BBS9: variants seen among roughly 807,000 people sequenced by gnomAD.
The protein encoded by BBS9 is protein PTHB1.
A neutral mutation model predicts 117.7 loss-of-function variants in BBS9; 89 were observed. The observed-to-expected ratio is 0.76, with a 90% CI of 0.64 to 0.90. The LOEUF is 0.90. Ranked by LOEUF, BBS9 falls within the 40% of genes least tolerant of loss-of-function variation. BBS9 has a pLI of 0.00. For missense variants in BBS9, 982 were observed against 1,042.2 expected (o/e 0.94, Z 0.80); for synonymous variants, 379 against 370.9 (o/e 1.02, Z -0.25).
chr7:33,349,139 G>T lies in BBS9; in HGVS notation c.1401G>T (p.Leu467Phe). ...TCTACGTGCAACCACCATTAGAATT[G>T]ACTTGTGATCAGTTCACCTTTGAAT... is the stretch of plus-strand genomic sequence containing the variant. ...LSVYVQPPLELTCDQFTFEFM... is the reference protein window; with the variant it reads ...LSVYVQPPLEFTCDQFTFEFM... The change falls in exon 13 of 23, where the codon TTG becomes TTT. Residue 467 changes from leucine (L) to phenylalanine (F), a missense_variant. Leu to Phe is a conservative substitution (Grantham distance 22, BLOSUM62 0). Coordinates refer to ENST00000242067, the MANE Select transcript of BBS9 (RefSeq NM_198428.3). 1.2e-6 allele frequency: 2 copies of T among 1,613,156 alleles called. No homozygotes were observed. Among genetic ancestry groups the T allele is most frequent in the South Asian group, 2.2e-5 (2 of 91,028 alleles).
In BBS9 at chr7:33,198,215, G is replaced by A. The variant is rs544303668; in HGVS notation, c.442+20624G>A. On this transcript the variant is annotated intron_variant, in intron 5 of 22. Coordinates refer to ENST00000242067, the MANE Select transcript of BBS9 (RefSeq NM_198428.3). ...TTAATATGGAAACAATAACTGAGAT[G>A]TAATCCTAAATTTAATTTGGAAAGT... Among the ~76,000 whole-genome samples the A allele has an allele frequency of 2.4e-4, 37 of 152,102 alleles. 1 individual carries two copies. Among genetic ancestry groups the A allele is most frequent in the African/African-American group, 8.4e-4 (35 of 41,552 alleles).
chr7:33,527,251 C>A (rs567961066), intron 20 of BBS9, among the ~76,000 whole-genome samples: 2 of 152,208 alleles, frequency 1.3e-5, no homozygotes, highest in African/African-American at 4.8e-5. Flanking sequence ...GCAGGCAGGC[C>A]TCCTTGAGTT....
chr7:33,431,712 T>C (rs1437967181), intron 19 of BBS9, among the ~76,000 whole-genome samples: 1 of 152,244 alleles, frequency 6.6e-6, no homozygotes, highest in Non-Finnish European at 1.5e-5. Context: ...CTGTTGTTTA[T>C]AAGTCACAGA....
intron 9 of BBS9, among the ~76,000 whole-genome samples, chr7:33,282,623 C>T (rs182501939): frequency 1.6e-4 from 25 of 152,070 alleles, no homozygotes; most frequent in Middle Eastern, 3.4e-3. Flanking sequence ...TCACCCGCCT[C>T]GCCTCCCAAA....
rs1460288162 is a variant in BBS9, at chr7:33,264,287, C to T, written c.618-3C>T. ...TATAATTTTTTAAATTTCTTTCATA[C>T]AGGTACCAGGTACTTGCTTTTGCAA... On this transcript the variant is annotated splice_polypyrimidine_tract_variant and splice_region_variant and intron_variant, in intron 6 of 22. Coordinates refer to ENST00000242067, the MANE Select transcript of BBS9 (RefSeq NM_198428.3). The T allele has an allele frequency of 3.4e-6, 5 of 1,479,296 alleles. No individual in the cohort carries two copies. Among genetic ancestry groups the T allele is most frequent in the Non-Finnish European group, 4.5e-6 (5 of 1,107,062 alleles). The allele number at this position is 1,479,296 out of a possible 1,614,324, so 91.6% of individuals were successfully genotyped here.
chr7:33,267,376 T>G (rs975257202), intron 7 of BBS9, among the ~76,000 whole-genome samples: 1 of 152,156 alleles, frequency 6.6e-6, no homozygotes, highest in African/African-American at 2.4e-5. Flanking sequence ...TGATATATAC[T>G]CTGCCATTTA....
intron 19 of BBS9, among the ~76,000 whole-genome samples, chr7:33,465,849 T>C (rs929431862): frequency 2.0e-5 from 3 of 152,176 alleles, no homozygotes; most frequent in African/African-American, 7.2e-5. Context: ...GACAGTTAAC[T>C]GGACTATTAA....
chr7:33,607,655 A>G (rs1368003587), downstream of BBS9, among the ~76,000 whole-genome samples: 1 of 151,982 alleles, frequency 6.6e-6, no homozygotes, highest in Non-Finnish European at 1.5e-5. Context: ...ATTATAGACA[A>G]TTTGTAATTT....
chr7:33,570,612 A>G (rs540699646), intron 21 of BBS9, among the ~76,000 whole-genome samples: 2 of 152,334 alleles, frequency 1.3e-5, no homozygotes, highest in East Asian at 1.9e-4. Flanking sequence ...AAATATTTGC[A>G]TAGTCTCAAA....
intron 7 of BBS9, among the ~76,000 whole-genome samples, chr7:33,265,467 T>G (rs1430076371): frequency 6.6e-6 from 1 of 152,228 alleles, no homozygotes; most frequent in East Asian, 1.9e-4. Flanking sequence ...AGCTTTACTT[T>G]TTTTTTGAGC....
At chr7:33,390,860 A>G (rs945021392) in intron 19 of BBS9, among the ~76,000 whole-genome samples, 11 of 152,192 alleles carry the variant, frequency 7.2e-5, no homozygotes, top group Admixed American at 7.2e-4. Context: ...GAAAAACTCC[A>G]TAAAGAGTAT....
At chr7:33,303,833 C>T (rs1285028670) in intron 9 of BBS9, among the ~76,000 whole-genome samples, 1 of 151,632 alleles carries the variant, frequency 6.6e-6, no homozygotes, top group African/African-American at 2.4e-5. Context: ...GGCTGGAGTG[C>T]AGTGGCGTGA....
At chr7:33,488,988 CTTTTT>C (rs869216155) in intron 19 of BBS9, among the ~76,000 whole-genome samples, 36 of 103,332 alleles carry the variant, frequency 3.5e-4, no homozygotes, top group East Asian at 3.0e-4. Flanking sequence ...GGACAGACTT[CTTTTT>C]TTTTTTTTTT....
intron 21 of BBS9, among the ~76,000 whole-genome samples, chr7:33,549,897 GT>G (rs1854084801): frequency 6.6e-6 from 1 of 152,144 alleles, no homozygotes; most frequent in East Asian, 1.9e-4. Context: ...TAGCTCTGAG[GT>G]TTTGTATCAC....
chr7:33,241,010 CA>C (rs1438939239), intron 5 of BBS9, among the ~76,000 whole-genome samples: 1 of 152,066 alleles, frequency 6.6e-6, no homozygotes, highest in Non-Finnish European at 1.5e-5. Context: ...GGTGTCAAAT[CA>C]CAACCATTAC....
intron 19 of BBS9, among the ~76,000 whole-genome samples, chr7:33,410,514 A>G (rs1158409551): frequency 2.0e-5 from 3 of 152,114 alleles, no homozygotes; most frequent in Non-Finnish European, 4.4e-5. Flanking sequence ...CCAGGAGACA[A>G]CCTTATATTC....
intron 5 of BBS9, among the ~76,000 whole-genome samples, chr7:33,213,796 G>A (rs1788517888): frequency 6.6e-6 from 1 of 152,164 alleles, no homozygotes; most frequent in Non-Finnish European, 1.5e-5. Context: ...GTCCTGGAAT[G>A]GGGGCCTCAT....
intron 21 of BBS9, among the ~76,000 whole-genome samples, chr7:33,612,194 T>G (rs145827354): frequency 3.8e-4 from 58 of 152,124 alleles, no homozygotes; most frequent in African/African-American, 1.2e-3. Flanking sequence ...GGGATAAAAA[T>G]TAAGTTACTC....
At chr7:33,624,143 G>A (rs1460088496) in intron 21 of BBS9, among the ~76,000 whole-genome samples, 1 of 152,192 alleles carries the variant, frequency 6.6e-6, no homozygotes. Context: ...AAATCTCTGT[G>A]TATCTTGGCC....
Sources: allele counts gnomAD v4.1 joint callset (sites outside exome capture counted in the v4.1 genomes callset), GRCh38; gene constraint gnomAD v4.1.1; transcripts MANE v1.5; gene names NCBI Gene and HGNC (gene_info 2026-07-23, HGNC 2026-07-21).